The following TBCE variants were observed in gnomAD, a reference collection of about 807,000 sequenced individuals.
The protein encoded by TBCE is tubulin folding cofactor E, also known as tubulin-specific chaperone E.
In TBCE, 53 loss-of-function variants were observed where a neutral mutation model predicts 77.0. The ratio of observed to expected loss-of-function variants is 0.69; its 90% CI spans 0.55 to 0.87. TBCE has a LOEUF of 0.87. Among genes scored for constraint, TBCE ranks in the 40% least tolerant of loss-of-function variants. The pLI is 0.00. For synonymous variants in TBCE, 235 were observed against 241.3 expected (o/e 0.97, Z 0.24); for missense variants, 624 against 622.4 (o/e 1.00, Z -0.03).
chr1:235,436,669 T>C, intron 11 of TBCE, 61 bp downstream of exon 11: 1 of 1,478,252 alleles, frequency 6.8e-7, no homozygotes, highest in South Asian at 1.1e-5. Context: ...CATGGCAGAG[T>C]TTGGAGGTTC....
At chr1:235,372,202 C>T (rs1013150539) in intron 1 of TBCE, among the ~76,000 whole-genome samples, 1 of 152,062 alleles carries the variant, frequency 6.6e-6, no homozygotes, top group Non-Finnish European at 1.5e-5. Context: ...GGATTACAGA[C>T]GCACTCCACC....
At chr1:235,430,909 T>A in intron 7 of TBCE, 105 bp downstream of exon 7, 1 of 930,298 alleles carries the variant, frequency 1.1e-6, no homozygotes, top group Non-Finnish European at 1.7e-6. Flanking sequence ...TGGCTTCATT[T>A]AAATCATCCC....
At chr1:235,408,237 G>C (rs939746240) in intron 3 of TBCE, among the ~76,000 whole-genome samples, 15 of 152,308 alleles carry the variant, frequency 9.8e-5, no homozygotes, top group African/African-American at 3.6e-4. Flanking sequence ...ACCCTGATGT[G>C]ATTGTTACAC....
intron 9 of TBCE, 102 bp downstream of exon 9, chr1:235,435,942 A>G (rs1681419666): frequency 2.9e-6 from 3 of 1,050,218 alleles, no homozygotes; most frequent in African/African-American, 1.6e-5. Context: ...CGTGGTAACA[A>G]TGATGGAATT....
At chr1:235,443,115 T>C in intron 15 of TBCE, 1 of 599,200 alleles carries the variant, frequency 1.7e-6, no homozygotes, top group East Asian at 2.9e-5. Flanking sequence ...CTCCCCTAAC[T>C]TTATCAGCTG....
At chr1:235,419,117 G>A (rs756921995) in intron 4 of TBCE, 234 of 341,476 alleles carry the variant, frequency 6.9e-4, no homozygotes, top group Non-Finnish European at 8.5e-4. Flanking sequence ...TGAGGCAGGA[G>A]AATCACCTGA....
At chr1:235,435,200 A>G (rs1180987799) in intron 8 of TBCE, among the ~76,000 whole-genome samples, 1 of 151,844 alleles carries the variant, frequency 6.6e-6, no homozygotes, top group East Asian at 1.9e-4. Context: ...TCCCTGGTTC[A>G]AGTGATTCTC....
chr1:235,443,172 A>G (rs1162868763), intron 15 of TBCE, among the ~76,000 whole-genome samples: 1 of 138,924 alleles, frequency 7.2e-6, no homozygotes, highest in Non-Finnish European at 1.5e-5. Flanking sequence ...AATTACACAC[A>G]CACACACACA....
Position 235,437,506 on chromosome 1 carries a change from T to C in TBCE, c.1116+32T>C, listed in dbSNP as rs1229667439. On this transcript the variant is annotated intron_variant, in intron 12 of 16. Transcript: ENST00000642610. ...ACTGGCGTCATGACTAGATATTTTT[T>C]AGACTAGAAAATAAATGATTTTAGG... 1.9e-6 allele frequency: 3 copies of C among 1,611,896 alleles called. No individual in the cohort carries two copies. The East Asian group carries it at 6.7e-5, about 36-fold the overall frequency.
intron 3 of TBCE, among the ~76,000 whole-genome samples, chr1:235,405,523 C>T (rs946372119): frequency 6.6e-6 from 1 of 151,588 alleles, no homozygotes; most frequent in Non-Finnish European, 1.5e-5. Context: ...GTAATCCTAG[C>T]TACTGGGAAG....
In TBCE at chr1:235,374,943, T is replaced by C. The variant is rs1282778727; in HGVS notation, c.-31-5076T>C. On this transcript the variant is annotated intron_variant, in intron 1 of 16. Transcript: ENST00000642610. The stretch of plus-strand genomic sequence containing the variant: ...TTCTTTTTTTTTTTTTTTTTTGAGA[T>C]GGAGTCTCACTCTGTTGCCCAGGCT... 4.1e-5 allele frequency among the ~76,000 whole-genome samples: 5 copies of C among 120,860 alleles called. 1 individual carries two copies. Among genetic ancestry groups the C allele is most frequent in the Non-Finnish European group, 6.9e-5 (4 of 57,586 alleles). The allele number at this position is 120,860 out of a possible 152,430, so 79.3% of individuals were successfully genotyped here.
intron 13 of TBCE, among the ~76,000 whole-genome samples, chr1:235,439,723 A>G (rs972042265): frequency 2.6e-5 from 4 of 151,254 alleles, no homozygotes; most frequent in African/African-American, 9.7e-5. Flanking sequence ...CCTGACCTCA[A>G]GTGATCCACC....
intron 11 of TBCE, 25 bp downstream of exon 11, chr1:235,436,633 A>G (rs764274058): frequency 1.3e-6 from 2 of 1,599,654 alleles, no homozygotes; most frequent in Non-Finnish European, 1.7e-6. Flanking sequence ...GAGTATGCCC[A>G]GCACACTGTT....
chr1:235,446,293 C>A (rs545427962), intron 15 of TBCE, among the ~76,000 whole-genome samples: 2 of 152,264 alleles, frequency 1.3e-5, no homozygotes, highest in African/African-American at 2.4e-5. Flanking sequence ...CTCCCGGCCT[C>A]AGCTTCCCAA....
At chr1:235,369,311 A>T (rs1364599217) in intron 1 of TBCE, among the ~76,000 whole-genome samples, 2 of 151,516 alleles carry the variant, frequency 1.3e-5, no homozygotes, top group Non-Finnish European at 2.9e-5. Flanking sequence ...GGTCGAGACC[A>T]TCCTGGCCAA....
Position 235,446,245 on chromosome 1 carries a change from G to A in TBCE, c.1400-2104G>A, listed in dbSNP as rs181394864. On this transcript the variant is annotated intron_variant, in intron 15 of 16. Coordinates refer to ENST00000642610, the MANE Select transcript of TBCE (RefSeq NM_003193.5). ...GGCTAGAGTGCAGTGGCATGATCTC[G>A]GCTCACTGCAAACTCTGCCTTCCGG... Among the ~76,000 whole-genome samples the A allele has an allele frequency of 4.4e-3, 671 of 151,822 alleles. 2 individuals carry two copies. The highest frequency in any genetic ancestry group is 7.4e-3 in the Non-Finnish European group (505 of 67,956).
intron 15 of TBCE, among the ~76,000 whole-genome samples, chr1:235,444,437 C>T (rs554473277): frequency 3.1e-4 from 47 of 152,206 alleles, no homozygotes; most frequent in African/African-American, 1.0e-3. Context: ...CTGGCTGTCA[C>T]TCACGCTGGA....
At chr1:235,370,276 C>T (rs534066008) in intron 1 of TBCE, among the ~76,000 whole-genome samples, 128 of 137,702 alleles carry the variant, frequency 9.3e-4, no homozygotes, top group African/African-American at 3.4e-3. Context: ...TTTTCTGAGA[C>T]GGATTCTTGC....
intron 2 of TBCE, among the ~76,000 whole-genome samples, chr1:235,386,276 C>T (rs1294184802): frequency 6.6e-6 from 1 of 152,078 alleles, no homozygotes; most frequent in Non-Finnish European, 1.5e-5. Flanking sequence ...AATTATGTGT[C>T]TTGGAGTTGC....
Sources: gnomAD v4.1 joint callset for allele counts (sites outside exome capture counted in the v4.1 genomes callset) on GRCh38, gnomAD v4.1.1 for gene constraint, MANE v1.5 for transcripts, NCBI Gene and HGNC (gene_info 2026-07-23, HGNC 2026-07-21) for gene names.